The following DOCK3 variants were observed in gnomAD, a reference collection of about 807,000 sequenced individuals.
DOCK3 encodes dedicator of cytokinesis protein 3.
Under a neutral mutation model 265.6 loss-of-function variants are expected in DOCK3, and 60 were observed. The observed-to-expected ratio is 0.23, with a 90% CI of 0.18 to 0.28. DOCK3 has a LOEUF of 0.28. Ranked by LOEUF, DOCK3 falls within the 10% of genes least tolerant of loss-of-function variation. The pLI is 1.00. For synonymous variants in DOCK3, 881 were observed against 938.0 expected (o/e 0.94, Z 1.11); for missense variants, 1,981 against 2,594.3 (o/e 0.76, Z 5.14).
chr3:51,193,732 C>T (rs1475560053), intron 12 of DOCK3, among the ~76,000 whole-genome samples: 4 of 147,626 alleles, frequency 2.7e-5, no homozygotes, highest in African/African-American at 7.4e-5. Context: ...TCTAATGATT[C>T]TTTGCATTTC....
intron 3 of DOCK3, among the ~76,000 whole-genome samples, chr3:50,844,479 C>T (rs1242091737): frequency 6.6e-6 from 1 of 152,074 alleles, no homozygotes; most frequent in African/African-American, 2.4e-5. Flanking sequence ...CCTCAGCCTC[C>T]CAAAGTGCTG....
intron 5 of DOCK3, among the ~76,000 whole-genome samples, chr3:51,042,450 A>G (rs776781594): frequency 6.6e-5 from 10 of 152,206 alleles, no homozygotes; most frequent in Non-Finnish European, 1.3e-4. Context: ...AATAAGACCT[A>G]TATATGACAA....
chr3:51,078,294 C>T (rs1169149459), intron 7 of DOCK3, among the ~76,000 whole-genome samples: 5 of 152,082 alleles, frequency 3.3e-5, no homozygotes, highest in African/African-American at 1.2e-4. Context: ...AGAAAAATCT[C>T]CCTGAAAACA....
intron 49 of DOCK3, among the ~76,000 whole-genome samples, chr3:51,372,319 T>C (rs891376732): frequency 6.6e-6 from 1 of 152,146 alleles, no homozygotes; most frequent in East Asian, 1.9e-4. Context: ...ACCATCACCT[T>C]CTCCTACCAT....
At chr3:51,128,103 G>A (rs896573908) in intron 9 of DOCK3, among the ~76,000 whole-genome samples, 2 of 152,120 alleles carry the variant, frequency 1.3e-5, no homozygotes, top group Non-Finnish European at 2.9e-5. Context: ...TGGAATCATT[G>A]TGTCTTTTGA....
At chr3:51,267,731 G>A (rs1427141454) in intron 23 of DOCK3, among the ~76,000 whole-genome samples, 1 of 152,022 alleles carries the variant, frequency 6.6e-6, no homozygotes, top group East Asian at 1.9e-4. Context: ...GCAAAGATTT[G>A]GAACCAACCC....
At position 50,675,283 on chromosome 3, in the gene DOCK3, A is replaced by G; in HGVS notation, c.20A>G (p.Glu7Gly). MWTPTEEEKYGVVICSF... is the reference protein window; with the variant it reads MWTPTEGEKYGVVICSF... ...ACGGCCATGTGGACCCCCACGGAGG[A>G]GGAGAAATACGGCGTAGGTAGGTGA... is the stretch of plus-strand genomic sequence containing the variant. The change falls in exon 1 of 53, where the codon GAG becomes GGG. Residue 7 changes from glutamate (E) to glycine (G), a missense_variant. Glu to Gly is a moderately conservative substitution (Grantham distance 98, BLOSUM62 -2). This residue lies in a region of DOCK3 where 456 missense variants were observed against 539.0 expected (regional missense o/e 0.85). Transcript: ENST00000266037. The surrounding 1 kb of genome is among the most constrained non-coding windows in gnomAD (Gnocchi z 6.1). 2 of 1,267,826 alleles carry G rather than the reference A, an allele frequency of 1.6e-6. No homozygotes were observed. The highest frequency in any genetic ancestry group is 2.0e-6 in the Non-Finnish European group (2 of 991,812). 78.5% of individuals were successfully genotyped at this position (1,267,826 alleles called of 1,614,324 possible). A position where few individuals can be genotyped will look rare whatever the true frequency, so the allele number is the denominator to read the frequency against.
At chr3:50,928,002 G>T (rs1231425874) in intron 4 of DOCK3, among the ~76,000 whole-genome samples, 1 of 151,926 alleles carries the variant, frequency 6.6e-6, no homozygotes, top group Non-Finnish European at 1.5e-5. Context: ...CCCCTGACCT[G>T]CATTCTAGAG....
At chr3:50,958,826 C>CT (rs1185595998) in intron 5 of DOCK3, among the ~76,000 whole-genome samples, 1 of 152,036 alleles carries the variant, frequency 6.6e-6, no homozygotes, top group Admixed American at 6.6e-5. Context: ...TGAGCCCCCC[C>CT]AAATGAAATG....
chr3:51,222,067 A>G (rs986477927), intron 14 of DOCK3, among the ~76,000 whole-genome samples: 2 of 152,242 alleles, frequency 1.3e-5, no homozygotes, highest in African/African-American at 4.8e-5. Context: ...TCAAGGTGTG[A>G]GTGCTAGAAA....
At chr3:50,833,759 T>G (rs1441877214) in intron 2 of DOCK3, among the ~76,000 whole-genome samples, 1 of 152,140 alleles carries the variant, frequency 6.6e-6, no homozygotes, top group African/African-American at 2.4e-5. Flanking sequence ...GTCAAAACCT[T>G]GGTAAAATAA....
At chr3:51,028,460 T>C (rs1047521398) in intron 5 of DOCK3, among the ~76,000 whole-genome samples, 2 of 152,184 alleles carry the variant, frequency 1.3e-5, no homozygotes, top group African/African-American at 4.8e-5. Context: ...TAGCTGCATG[T>C]CAACCTCTAG....
At chr3:51,064,669 A>G in intron 6 of DOCK3, 73 bp downstream of exon 6, 1 of 1,533,590 alleles carries the variant, frequency 6.5e-7, no homozygotes, top group Non-Finnish European at 8.9e-7. Flanking sequence ...GTTTGCACCT[A>G]TACAAAGCTT....
chr3:51,263,055 AG>A (rs1191936081), intron 23 of DOCK3, among the ~76,000 whole-genome samples: 1 of 152,226 alleles, frequency 6.6e-6, no homozygotes, highest in Non-Finnish European at 1.5e-5. Flanking sequence ...ATTCAAATTC[AG>A]GAAATACAGA....
chr3:51,064,207 G>A (rs142664566), intron 5 of DOCK3, among the ~76,000 whole-genome samples: 2,701 of 152,266 alleles, frequency 0.018, 35 homozygotes, highest in Non-Finnish European at 0.025. Context: ...GGATGTGGTA[G>A]AGATAAATGC....
intron 3 of DOCK3, among the ~76,000 whole-genome samples, chr3:50,848,142 GCATAGTAGATCTGT>G (rs1397134980): frequency 6.6e-6 from 1 of 151,536 alleles, no homozygotes; most frequent in Non-Finnish European, 1.5e-5. Context: ...TTTTTTATTT[GCATAGTAGATCTGT>G]CTTCAGCCCT....
intron 2 of DOCK3, among the ~76,000 whole-genome samples, chr3:50,797,543 G>A (rs563470419): frequency 6.6e-6 from 1 of 152,314 alleles, no homozygotes; most frequent in Non-Finnish European, 1.5e-5. Flanking sequence ...CACTGCAGAG[G>A]CTTCTCTGCT....
At chr3:50,788,827 C>A (rs1291075495) in intron 2 of DOCK3, among the ~76,000 whole-genome samples, 1 of 152,176 alleles carries the variant, frequency 6.6e-6, no homozygotes, top group Non-Finnish European at 1.5e-5. Flanking sequence ...TGTGGATGTA[C>A]GTGCAGGGAG....
chr3:51,030,991 G>A (rs1013485060), intron 5 of DOCK3, among the ~76,000 whole-genome samples: 1 of 152,150 alleles, frequency 6.6e-6, no homozygotes, highest in Non-Finnish European at 1.5e-5. Flanking sequence ...ATGCCTGGCT[G>A]TCTTGAAAAC....
Sources: gnomAD v4.1 joint callset for allele counts (sites outside exome capture counted in the v4.1 genomes callset) on GRCh38, gnomAD v4.1.1 for gene constraint, gnomAD v4.1.1 regional missense constraint, Gnocchi (gnomAD v3.1) non-coding constraint, MANE v1.5 for transcripts, NCBI Gene and HGNC (gene_info 2026-07-23, HGNC 2026-07-21) for gene names.